TAF7L: variants seen among roughly 807,000 people sequenced by gnomAD.
TAF7L encodes the protein transcription initiation factor TFIID subunit 7-like.
TAF7L carries 6 observed loss-of-function variants against 30.2 expected under a neutral mutation model. The observed-to-expected ratio is 0.20, with a 90% CI of 0.11 to 0.39. TAF7L has a LOEUF of 0.39. Ranked by LOEUF, TAF7L falls within the 10% of genes least tolerant of loss-of-function variation. TAF7L has a pLI of 1.00. For missense variants in TAF7L, 284 were observed against 277.1 expected, an observed-to-expected ratio of 1.03 and a Z score of -0.18; for synonymous variants, 93 against 94.5, an observed-to-expected ratio of 0.98 and a Z score of 0.09.
intron 6 of TAF7L, among the ~76,000 whole-genome samples, chrX:101,281,378 T>G (rs2147377205): frequency 8.9e-6 from 1 of 112,130 alleles, no homozygotes; most frequent in South Asian, 3.7e-4. Flanking sequence ...GAAATAACAT[T>G]AGGAATATAA....
intron 4 of TAF7L, among the ~76,000 whole-genome samples, chrX:101,283,211 A>G (rs1319206557): frequency 8.9e-6 from 1 of 112,294 alleles, no homozygotes; most frequent in Admixed American, 9.5e-5. Context: ...ATTAATGAAA[A>G]GTCACTATAA....
At chrX:101,279,076 C>T (rs767141710) in intron 6 of TAF7L, 41 bp from the exon 7 acceptor site, 2 of 1,075,171 alleles carry the variant, frequency 1.9e-6, no homozygotes, top group Non-Finnish European at 2.6e-6. Context: ...ATTATGATAC[C>T]TATATTTCAG....
Position 101,276,509 on chromosome X carries a change from C to T in TAF7L, c.711G>A (p.Glu237=). ...TGTTACTTCTAGAATCACTGAACAT[C>T]TCCCGAAGCATATCATATTCTACTA... is the stretch of plus-strand genomic sequence containing the variant. ...HTSSEYDMLR[E]MFSDSRSNND... The change falls in exon 10 of 13, where the codon GAG becomes GAA. Residue 237 remains glutamate, a synonymous_variant. Transcript: ENST00000356784. 2 of 1,210,867 alleles carry T rather than the reference C, an allele frequency of 1.7e-6. No homozygotes were observed. Among genetic ancestry groups the T allele is most frequent in the Non-Finnish European group, 2.2e-6 (2 of 895,175 alleles).
rs1315365672 is a variant in TAF7L, at chrX:101,276,452, ATCT to A, written c.765_767del (p.Glu255del). 2.5e-6 allele frequency: 3 copies of A among 1,206,074 alleles called. No individual in the cohort carries two copies. The highest frequency in any genetic ancestry group is 3.4e-6 in the Non-Finnish European group (3 of 891,606). On this transcript the variant is annotated inframe_deletion, in exon 10 of 13. Transcript: ENST00000356784. ...CATCCTCATCCTCATCCTCATCCTC[ATCT>A]TCATCATCCTCATCCTCATCATCAT...
At chrX:101,275,928 A>G (rs775366910) in intron 11 of TAF7L, 72 bp downstream of exon 11, 223 of 757,932 alleles carry the variant, frequency 2.9e-4, no homozygotes, top group Non-Finnish European at 4.2e-4. Flanking sequence ...CAGAGATAAC[A>G]TAAGTGGAAA....
chrX:101,277,360 G>C (rs1924232205), intron 9 of TAF7L, among the ~76,000 whole-genome samples: 1 of 94,922 alleles, frequency 1.1e-5, no homozygotes, highest in African/African-American at 4.0e-5. Flanking sequence ...GCCGAGGCAG[G>C]AGAATCACTT....
intron 11 of TAF7L, 114 bp from the exon 12 acceptor site, chrX:101,275,395 A>C (rs756276267): frequency 2.6e-5 from 14 of 535,709 alleles, no homozygotes; most frequent in Non-Finnish European, 3.8e-5. Flanking sequence ...TTGAGGCGGA[A>C]TCTTCCTCTG....
chrX:101,278,167 T>C, intron 7 of TAF7L, 46 bp from the exon 8 acceptor site: 1 of 1,041,524 alleles, frequency 9.6e-7, no homozygotes, highest in Non-Finnish European at 1.3e-6. Context: ...TACTGTCATT[T>C]AACACCCTGT....
intron 6 of TAF7L, 97 bp downstream of exon 6, chrX:101,281,623 A>T: frequency 1.2e-6 from 1 of 817,639 alleles, no homozygotes; most frequent in Non-Finnish European, 1.8e-6. Context: ...ATATAAATGA[A>T]TTAAAAATTA....
At chrX:101,289,743 C>T (rs1031985116) in intron 1 of TAF7L, among the ~76,000 whole-genome samples, 4 of 110,205 alleles carry the variant, frequency 3.6e-5, no homozygotes, top group African/African-American at 6.6e-5. Flanking sequence ...CCACCACACC[C>T]GGCTAAATTT....
At chrX:101,281,416 A>G (rs748896116) in intron 6 of TAF7L, among the ~76,000 whole-genome samples, 1 of 111,786 alleles carries the variant, frequency 8.9e-6, no homozygotes, top group Non-Finnish European at 1.9e-5. Context: ...CAGGTTCTGG[A>G]TGGGTTCACT....
chrX:101,292,187 C>G (rs1465841645), upstream of TAF7L, among the ~76,000 whole-genome samples: 1 of 96,252 alleles, frequency 1.0e-5, no homozygotes, highest in South Asian at 5.1e-4. Flanking sequence ...TGCAGTGAGC[C>G]GAGATCCCGC....
At chrX:101,291,682 T>C (rs1303129228), upstream of TAF7L, among the ~76,000 whole-genome samples, 1 of 108,213 alleles carries the variant, frequency 9.2e-6, no homozygotes, top group Non-Finnish European at 1.9e-5. Flanking sequence ...CTGGCCAACA[T>C]GATGAAACCC....
chrX:101,292,661 C>T (rs1924866087), upstream of TAF7L: 1 of 781,773 alleles, frequency 1.3e-6, no homozygotes, highest in Non-Finnish European at 1.8e-6. Flanking sequence ...TGGAGAGGGA[C>T]ACAGGTTACG....
At chrX:101,276,639 T>C in intron 9 of TAF7L, 111 bp from the exon 10 acceptor site, 3 of 832,499 alleles carry the variant, frequency 3.6e-6, no homozygotes, top group Admixed American at 2.8e-5. Context: ...GTGAATTTTA[T>C]AAATCATTTT....
upstream of TAF7L, among the ~76,000 whole-genome samples, chrX:101,291,695 G>A (rs1227132650): frequency 9.1e-6 from 1 of 109,328 alleles, no homozygotes; most frequent in Admixed American, 9.8e-5. Context: ...TGAAACCCCC[G>A]TCTCTACTAA....
rs200182746 is a variant in TAF7L, at chrX:101,276,055, T to A, written c.971A>T (p.Asn324Ile). ...GAGATCCTTCTGTCTTTGTGCTTTATTCTGAATCTTATGGAGCTTTTTCTC... is the reference window on the plus strand; with the variant it reads ...GAGATCCTTCTGTCTTTGTGCTTTAATCTGAATCTTATGGAGCTTTTTCTC... ...KKEKKLHKIQ[N>I]KAQRQKDLIM... Residue 324 changes from asparagine (N) to isoleucine (I), a missense_variant, in exon 11 of 13, where the codon AAT (asparagine) becomes ATT (isoleucine). Transcript: ENST00000356784. The A allele has an allele frequency of 4.1e-6, 5 of 1,205,646 alleles. No homozygotes were observed. The highest frequency in any genetic ancestry group is 5.6e-6 in the Non-Finnish European group (5 of 894,080).
chrX:101,273,780 A>C (rs1006848655), intron 12 of TAF7L, among the ~76,000 whole-genome samples: 2 of 110,776 alleles, frequency 1.8e-5, no homozygotes, highest in African/African-American at 6.6e-5. Flanking sequence ...AAGGTCCTCA[A>C]AGAAGCCAAG....
chrX:101,283,015 G>A (rs1924470185), intron 4 of TAF7L, among the ~76,000 whole-genome samples: 1 of 111,467 alleles, frequency 9.0e-6, no homozygotes, highest in Non-Finnish European at 1.9e-5. Flanking sequence ...TCCCACCTCA[G>A]CCTCCCAAAG....
Sources: gnomAD v4.1 joint callset for allele counts (sites outside exome capture counted in the v4.1 genomes callset) on GRCh38, gnomAD v4.1.1 for gene constraint, MANE v1.5 for transcripts, NCBI Gene and HGNC (gene_info 2026-07-23, HGNC 2026-07-21) for gene names.